Variants in ROBO2 observed in about 807,000 individuals in gnomAD.
The protein encoded by ROBO2 is roundabout guidance receptor 2, also known as roundabout homolog 2.
Under a neutral mutation model 160.8 loss-of-function variants are expected in ROBO2, and 53 were observed. The ratio of observed to expected loss-of-function variants is 0.33; its 90% CI spans 0.26 to 0.41. The LOEUF (loss-of-function observed/expected upper bound fraction) is 0.41, where lower values mean the gene tolerates loss of function less well. Ranked by LOEUF, ROBO2 falls within the 10% of genes least tolerant of loss-of-function variation. The pLI is 1.00. For synonymous variants in ROBO2, 664 were observed against 611.7 expected (o/e 1.09, Z -1.26); for missense variants, 1,577 against 1,722.4 (o/e 0.92, Z 1.49).
chr3:76,187,149 G>A (rs1490488357), intron 2 of ROBO2, among the ~76,000 whole-genome samples: 1 of 151,974 alleles, frequency 6.6e-6, no homozygotes, highest in African/African-American at 2.4e-5. Flanking sequence ...TCTGGCCTAG[G>A]CACTTCTCTG....
chr3:76,104,123 T>C (rs1239830202), intron 2 of ROBO2, among the ~76,000 whole-genome samples: 2 of 152,198 alleles, frequency 1.3e-5, no homozygotes, highest in African/African-American at 4.8e-5. Flanking sequence ...CATTATTTCC[T>C]AGAAAACAAA....
chr3:77,400,350 T>A (rs532855214), intron 2 of ROBO2, among the ~76,000 whole-genome samples: 1 of 152,256 alleles, frequency 6.6e-6, no homozygotes, highest in South Asian at 2.1e-4. Flanking sequence ...TAGTTAATAT[T>A]TCTGAATGGT....
intron 2 of ROBO2, among the ~76,000 whole-genome samples, chr3:76,319,708 C>T (rs2072350306): frequency 6.6e-6 from 1 of 150,780 alleles, no homozygotes; most frequent in South Asian, 2.1e-4. Flanking sequence ...ATGATTCATG[C>T]TGATTTTTGT....
intron 2 of ROBO2, among the ~76,000 whole-genome samples, chr3:77,452,378 C>G (rs951283617): frequency 4.6e-5 from 7 of 152,270 alleles, no homozygotes; most frequent in African/African-American, 1.4e-4. Flanking sequence ...TTCTCCCGCT[C>G]TCTCCTTCTG....
At chr3:75,960,272 A>G (rs955949221) in intron 2 of ROBO2, among the ~76,000 whole-genome samples, 25 of 151,806 alleles carry the variant, frequency 1.6e-4, no homozygotes, top group African/African-American at 3.9e-4. Flanking sequence ...GAATACCTCA[A>G]AGAGAAAACT....
intron 2 of ROBO2, among the ~76,000 whole-genome samples, chr3:76,366,758 A>ACT (rs2075831846): frequency 2.0e-5 from 3 of 152,016 alleles, no homozygotes; most frequent in African/African-American, 7.2e-5. Flanking sequence ...ATGTATGATC[A>ACT]CTTACACAAA....
intron 2 of ROBO2, among the ~76,000 whole-genome samples, chr3:76,203,066 A>G (rs1346089694): frequency 6.6e-6 from 1 of 151,198 alleles, no homozygotes; most frequent in African/African-American, 2.5e-5. Context: ...CCTGACTCAA[A>G]TGTATGTCTT....
intron 2 of ROBO2, among the ~76,000 whole-genome samples, chr3:76,664,879 G>C (rs999417236): frequency 1.3e-5 from 2 of 152,176 alleles, no homozygotes; most frequent in Non-Finnish European, 2.9e-5. Context: ...AGAAGCCAGA[G>C]CTGATATTGG....
chr3:76,836,850 T>C (rs1018772062), intron 2 of ROBO2, among the ~76,000 whole-genome samples: 3 of 151,896 alleles, frequency 2.0e-5, no homozygotes, highest in Non-Finnish European at 4.4e-5. Context: ...TGAATATGTA[T>C]TCTTCTGCTG....
At chr3:77,596,790 TCTCTC>T in intron 19 of ROBO2, 40 bp downstream of exon 20, 1 of 1,530,552 alleles carries the variant, frequency 6.5e-7, no homozygotes, top group Admixed American at 2.0e-5. Context: ...TTGAGTTCTC[TCTCTC>T]TTTTTTTTTT....
In ROBO2 at chr3:77,128,108, A is replaced by G. The variant is rs577903474; in HGVS notation, c.388+29768A>G. On this transcript the variant is annotated intron_variant, in intron 2 of 25. Transcript: ENST00000461745. The stretch of plus-strand genomic sequence containing the variant: ...AGATAGAAAATGTTTCAAAAATTAT[A>G]CTTACTTCTCATTTATTTAAGCAGG... 2.0e-5 allele frequency among the ~76,000 whole-genome samples: 3 copies of G among 152,290 alleles called. No homozygotes were observed. The South Asian group carries it at 6.2e-4, about 32-fold the overall frequency.
At chr3:76,039,032 GAAACACA>G (rs1317063034) in intron 2 of ROBO2, among the ~76,000 whole-genome samples, 1 of 151,858 alleles carries the variant, frequency 6.6e-6, no homozygotes, top group Non-Finnish European at 1.5e-5. Flanking sequence ...AGTTTAGAAG[GAAACACA>G]AAATCAGGAA....
At chr3:76,035,854 G>T (rs1165907765) in intron 2 of ROBO2, among the ~76,000 whole-genome samples, 4 of 151,916 alleles carry the variant, frequency 2.6e-5, no homozygotes, top group Admixed American at 6.6e-5. Flanking sequence ...CACGGTGTTG[G>T]CACATTTTTA....
intron 2 of ROBO2, among the ~76,000 whole-genome samples, chr3:76,728,069 A>G (rs986691981): frequency 1.3e-5 from 2 of 152,144 alleles, no homozygotes; most frequent in Non-Finnish European, 2.9e-5. Context: ...AAACACCGAG[A>G]AATGAAGGAC....
intron 15 of ROBO2, among the ~76,000 whole-genome samples, chr3:77,579,313 T>C (rs997167008): frequency 4.6e-5 from 7 of 152,166 alleles, no homozygotes; most frequent in Non-Finnish European, 1.0e-4. Flanking sequence ...CTCATGAATG[T>C]GTATGTGTGT....
chr3:76,446,169 T>G (rs1005818348), intron 2 of ROBO2, among the ~76,000 whole-genome samples: 5 of 152,236 alleles, frequency 3.3e-5, no homozygotes, highest in South Asian at 2.1e-4. Context: ...ATCTCCTTAA[T>G]CTGATAAGCA....
chr3:76,855,737 G>A (rs1222164178), intron 2 of ROBO2, among the ~76,000 whole-genome samples: 4 of 152,040 alleles, frequency 2.6e-5, no homozygotes, highest in Non-Finnish European at 4.4e-5. Flanking sequence ...TTTCCATCAA[G>A]AATAAGAAAT....
intron 2 of ROBO2, among the ~76,000 whole-genome samples, chr3:76,969,674 G>A (rs180747795): frequency 3.0e-4 from 45 of 152,104 alleles, no homozygotes; most frequent in East Asian, 2.9e-3. Context: ...CTGCCTCCTA[G>A]TTTTAAAAAG....
intron 9 of ROBO2, among the ~76,000 whole-genome samples, chr3:77,558,789 G>T (rs1244449161): frequency 6.6e-6 from 1 of 152,018 alleles, no homozygotes; most frequent in South Asian, 2.1e-4. Context: ...TCTGAATATT[G>T]TATCAGTTAT....
Sources: gnomAD v4.1 joint callset for allele counts (sites outside exome capture counted in the v4.1 genomes callset) on GRCh38, gnomAD v4.1.1 for gene constraint, MANE v1.5 for transcripts, NCBI Gene and HGNC (gene_info 2026-07-23, HGNC 2026-07-21) for gene names.